Variants in GABRA3 observed in about 807,000 individuals in gnomAD.
GABRA3 encodes gamma-aminobutyric acid receptor subunit alpha-3.
Under a neutral mutation model 30.1 loss-of-function variants are expected in GABRA3, and 10 were observed. That is an observed-to-expected ratio of 0.33 (90% CI 0.20 to 0.56). The LOEUF is 0.56. Among genes scored for constraint, GABRA3 ranks in the 20% least tolerant of loss-of-function variants. The probability of loss-of-function intolerance (pLI) is 0.89; values close to 1 mark genes in which losing one functional copy is unlikely to be tolerated. For missense variants in GABRA3, 233 were observed against 392.0 expected (o/e 0.59, Z 3.42); for synonymous variants, 151 against 146.8 (o/e 1.03, Z -0.21).
chrX:152,299,651 T>C (rs1216675040), intron 3 of GABRA3, among the ~76,000 whole-genome samples: 1 of 111,606 alleles, frequency 9.0e-6, no homozygotes, highest in East Asian at 2.8e-4. Context: ...AAAACAAAAC[T>C]GAACTGGTTT....
intron 1 of GABRA3, among the ~76,000 whole-genome samples, chrX:152,403,067 C>T (rs891082944): frequency 9.0e-6 from 1 of 111,600 alleles, no homozygotes; most frequent in Non-Finnish European, 1.9e-5. Flanking sequence ...AAACTTTCTA[C>T]TTAGTAGTGA....
intron 6 of GABRA3, among the ~76,000 whole-genome samples, chrX:152,222,293 A>G (rs1937857014): frequency 9.5e-6 from 1 of 105,786 alleles, no homozygotes; most frequent in Non-Finnish European, 1.9e-5. Flanking sequence ...GCTTTTTTCT[A>G]TTTATCAATT....
At chrX:152,333,916 T>C (rs750213330) in intron 3 of GABRA3, among the ~76,000 whole-genome samples, 11 of 111,497 alleles carry the variant, frequency 9.9e-5, no homozygotes, top group Non-Finnish European at 2.1e-4. Flanking sequence ...AAAATTTATC[T>C]AGAAATTTGA....
At chrX:152,447,935 C>A (rs1049664801) in intron 1 of GABRA3, among the ~76,000 whole-genome samples, 15 of 112,031 alleles carry the variant, frequency 1.3e-4, no homozygotes, top group Admixed American at 1.1e-3. Context: ...GTACAGAAGT[C>A]AAGAGTAAGC....
At chrX:152,360,336 C>T (rs780126607) in intron 2 of GABRA3, among the ~76,000 whole-genome samples, 1,046 of 79,365 alleles carry the variant, frequency 0.013, 8 homozygotes, top group Non-Finnish European at 0.021. Context: ...CTGTTGTTTC[C>T]TGACTTTTTA....
chrX:152,429,576 C>A (rs1204780607), intron 1 of GABRA3, among the ~76,000 whole-genome samples: 1 of 111,771 alleles, frequency 8.9e-6, no homozygotes, highest in Non-Finnish European at 1.9e-5. Flanking sequence ...ATGGCAAAAC[C>A]TCCATTGGCT....
intron 2 of GABRA3, among the ~76,000 whole-genome samples, chrX:152,353,066 GAA>G (rs1166677816): frequency 9.9e-6 from 1 of 101,283 alleles, no homozygotes; most frequent in Non-Finnish European, 2.0e-5. Flanking sequence ...GCTGCTTGAA[GAA>G]AAAAAAAAAG....
chrX:152,241,069 G>T (rs1569367049), intron 5 of GABRA3, among the ~76,000 whole-genome samples: 2 of 109,966 alleles, frequency 1.8e-5, no homozygotes, highest in Non-Finnish European at 3.8e-5. Flanking sequence ...AGGAGAAGAG[G>T]CGCTCTGCGT....
At chrX:152,370,205 G>C (rs1037879239) in intron 1 of GABRA3, among the ~76,000 whole-genome samples, 1 of 112,068 alleles carries the variant, frequency 8.9e-6, no homozygotes, top group Non-Finnish European at 1.9e-5. Context: ...GTACCAATAC[G>C]ACCAATTATT....
At chrX:152,211,925 C>T (rs1442273244) in intron 6 of GABRA3, among the ~76,000 whole-genome samples, 4 of 109,923 alleles carry the variant, frequency 3.6e-5, no homozygotes, top group Non-Finnish European at 7.6e-5. Context: ...GCACATGGAG[C>T]GGTAAAGGAA....
chrX:152,287,234 C>T (rs952473871), intron 3 of GABRA3, among the ~76,000 whole-genome samples: 15 of 111,805 alleles, frequency 1.3e-4, no homozygotes, highest in African/African-American at 4.9e-4. Context: ...TTCCAACATC[C>T]TACAGATAAG....
At chrX:152,274,740 T>C (rs990022095) in intron 4 of GABRA3, among the ~76,000 whole-genome samples, 1 of 108,311 alleles carries the variant, frequency 9.2e-6, no homozygotes, top group African/African-American at 3.4e-5. Flanking sequence ...TTAATATACC[T>C]CAGGAAACCA....
intron 5 of GABRA3, among the ~76,000 whole-genome samples, chrX:152,251,847 T>C (rs1480699485): frequency 9.0e-6 from 1 of 111,085 alleles, no homozygotes; most frequent in South Asian, 3.8e-4. Flanking sequence ...ACCTTTTCTC[T>C]GTCCTATCCT....
intron 1 of GABRA3, among the ~76,000 whole-genome samples, chrX:152,377,245 A>G (rs1929022465): frequency 8.9e-6 from 1 of 111,766 alleles, no homozygotes; most frequent in African/African-American, 3.3e-5. Context: ...TATAGTTGCT[A>G]TTCTTTATCC....
intron 3 of GABRA3, among the ~76,000 whole-genome samples, chrX:152,325,905 C>T (rs1024820114): frequency 9.0e-6 from 1 of 111,145 alleles, no homozygotes; most frequent in Admixed American, 9.6e-5. Flanking sequence ...CCAACCTCTC[C>T]GAGCTAAAGG....
intron 3 of GABRA3, among the ~76,000 whole-genome samples, chrX:152,289,483 T>C (rs1276600460): frequency 1.8e-5 from 2 of 111,094 alleles, no homozygotes; most frequent in African/African-American, 3.3e-5. Flanking sequence ...TTTTTTTTTT[T>C]CCTTTGGCTC....
chrX:152,250,994 G>T (rs972515699), intron 5 of GABRA3: 3 of 235,778 alleles, frequency 1.3e-5, no homozygotes, highest in Non-Finnish European at 1.6e-5. Flanking sequence ...AAAGTGAACG[G>T]TTTGTGACTT....
At chrX:152,258,008 A>G (rs1938666320) in intron 4 of GABRA3, among the ~76,000 whole-genome samples, 1 of 112,014 alleles carries the variant, frequency 8.9e-6, no homozygotes, top group African/African-American at 3.2e-5. Flanking sequence ...ACAGAACCAC[A>G]AATTAATGCT....
At chrX:152,291,554 T>C (rs912664738) in intron 3 of GABRA3, among the ~76,000 whole-genome samples, 2 of 111,751 alleles carry the variant, frequency 1.8e-5, no homozygotes, top group Admixed American at 1.9e-4. Flanking sequence ...CTATGTTGAA[T>C]AGGAGTGGTG....
Sources: gnomAD v4.1 joint callset for allele counts (sites outside exome capture counted in the v4.1 genomes callset) on GRCh38, gnomAD v4.1.1 for gene constraint, MANE v1.5 for transcripts, NCBI Gene and HGNC (gene_info 2026-07-23, HGNC 2026-07-21) for gene names.